Variants in INVS observed in about 807,000 individuals in gnomAD.
INVS encodes inversin.
In INVS, 86 loss-of-function variants were observed where a neutral mutation model predicts 108.8. The ratio of observed to expected loss-of-function variants is 0.79; its 90% CI spans 0.66 to 0.95. INVS has a LOEUF of 0.95. Ranked by LOEUF, INVS falls within the 40% of genes least tolerant of loss-of-function variation. The probability of loss-of-function intolerance (pLI) is 0.00; values close to 1 mark genes in which losing one functional copy is unlikely to be tolerated. For synonymous variants in INVS, 455 were observed against 473.5 expected (o/e 0.96, Z 0.51); for missense variants, 1,169 against 1,297.4 (o/e 0.90, Z 1.52).
At chr9:100,134,074 T>C (rs1828143962) in intron 3 of INVS, among the ~76,000 whole-genome samples, 1 of 152,110 alleles carries the variant, frequency 6.6e-6, no homozygotes, top group South Asian at 2.1e-4. Flanking sequence ...ATTTGTTGTC[T>C]TTTATCCCTT....
rs1008142338 is a variant in INVS at position 100,301,633 on chromosome 9, G to A, written c.*959G>A. The stretch of plus-strand genomic sequence containing the variant: ...GATGGGCTCTTTCACATTGTTTAAG[G>A]GGAAAGCTGCTGTGAGAATATTGAC... On this transcript the variant is annotated 3_prime_UTR_variant, in exon 17 of 17. Coordinates refer to ENST00000262457, the MANE Select transcript of INVS (RefSeq NM_014425.5). Among the ~76,000 whole-genome samples the A allele has an allele frequency of 1.3e-5, 2 of 152,074 alleles. No individual in the cohort carries two copies. Among genetic ancestry groups the A allele is most frequent in the Non-Finnish European group, 2.9e-5 (2 of 68,010 alleles).
chr9:100,126,364 C>A lies in INVS; in HGVS notation c.107-19C>A. 2 of 1,586,576 alleles carry A rather than the reference C, an allele frequency of 1.3e-6. No individual in the cohort carries two copies. Among genetic ancestry groups the A allele is most frequent in the South Asian group, 2.2e-5 (2 of 90,456 alleles). On this transcript the variant is annotated intron_variant, in intron 2 of 16. Transcript: ENST00000262457. ...AATAACAATTATCAAATATCACTAT[C>A]TGTTTCTTATCCTTATAGGAAACTC...
At chr9:100,250,280 C>T (rs532906925) in intron 8 of INVS, among the ~76,000 whole-genome samples, 3 of 152,268 alleles carry the variant, frequency 2.0e-5, no homozygotes, top group Admixed American at 1.3e-4. Context: ...TCTCACCCAG[C>T]TTCAACAATT....
At chr9:100,285,634 G>A (rs560677395) in intron 13 of INVS, among the ~76,000 whole-genome samples, 100 of 152,344 alleles carry the variant, frequency 6.6e-4, no homozygotes, top group South Asian at 3.1e-3. Context: ...TTAGGCACGA[G>A]CTTCCAACGG....
intron 12 of INVS, among the ~76,000 whole-genome samples, chr9:100,276,794 C>T (rs555408277): frequency 1.3e-5 from 2 of 152,170 alleles, no homozygotes; most frequent in South Asian, 4.1e-4. Context: ...CATGAGCCAC[C>T]ACGCCCAGCC....
At chr9:100,212,979 A>C (rs969617547) in intron 3 of INVS, among the ~76,000 whole-genome samples, 7 of 152,158 alleles carry the variant, frequency 4.6e-5, no homozygotes, top group African/African-American at 7.2e-5. Context: ...AGATCAAGGC[A>C]CCAGCAGATT....
intron 3 of INVS, among the ~76,000 whole-genome samples, chr9:100,142,568 G>A (rs1828467493): frequency 6.6e-6 from 1 of 152,264 alleles, no homozygotes; most frequent in African/African-American, 2.4e-5. Flanking sequence ...AATGTGGGAG[G>A]CCGGGTTGAA....
chr9:100,138,449 C>G (rs1828307386), intron 3 of INVS, among the ~76,000 whole-genome samples: 1 of 151,778 alleles, frequency 6.6e-6, no homozygotes, highest in Non-Finnish European at 1.5e-5. Context: ...TACATTTAAC[C>G]CTCAGAGCAA....
chr9:100,181,714 C>T (rs887147693), intron 3 of INVS, among the ~76,000 whole-genome samples: 6 of 152,110 alleles, frequency 3.9e-5, no homozygotes, highest in Non-Finnish European at 1.5e-5. Context: ...AGATTCAGTG[C>T]TATCCCCATC....
chr9:100,234,685 T>G (rs1195528570), intron 5 of INVS, among the ~76,000 whole-genome samples: 1 of 152,240 alleles, frequency 6.6e-6, no homozygotes, highest in Non-Finnish European at 1.5e-5. Flanking sequence ...TTGAGTGAGT[T>G]TCTTAATCCT....
chr9:100,121,515 T>C (rs551467676), intron 2 of INVS, among the ~76,000 whole-genome samples: 1 of 152,378 alleles, frequency 6.6e-6, no homozygotes, highest in Non-Finnish European at 1.5e-5. Flanking sequence ...TTATAGCATA[T>C]GACATTCTCT....
In INVS at chr9:100,100,947, CAT is replaced by C. The variant is rs1429981271; in HGVS notation, c.-25+1538_-25+1539del. 1.8e-3 allele frequency among the ~76,000 whole-genome samples: 28 copies of C among 15,758 alleles called. No homozygotes were observed. The South Asian group carries it at 0.023, about 13-fold the overall frequency. 10.3% of individuals were successfully genotyped at this position (15,758 alleles called of 152,430 possible). A position where few individuals can be genotyped will look rare whatever the true frequency, so the allele number is the denominator to read the frequency against. On this transcript the variant is annotated intron_variant, in intron 1 of 16. Transcript: ENST00000262457. ...ATATATAATATATATAATATATATACATATATATTATATATATAATATATATT... is the reference window on the plus strand; with the variant it reads ...ATATATAATATATATAATATATATACATATATTATATATATAATATATATT...
intron 3 of INVS, among the ~76,000 whole-genome samples, chr9:100,165,112 C>A (rs543964931): frequency 6.6e-6 from 1 of 151,048 alleles, no homozygotes; most frequent in South Asian, 2.1e-4. Context: ...TTAAATTTCT[C>A]ATTTTTATGG....
chr9:100,174,661 C>G (rs1418767109), intron 3 of INVS, among the ~76,000 whole-genome samples: 2 of 152,102 alleles, frequency 1.3e-5, no homozygotes, highest in African/African-American at 4.8e-5. Context: ...TGCCTGTAAT[C>G]CTGCACTTTG....
At chr9:100,272,429 A>G (rs1832986298) in intron 11 of INVS, among the ~76,000 whole-genome samples, 2 of 152,316 alleles carry the variant, frequency 1.3e-5, no homozygotes, top group South Asian at 4.1e-4. Flanking sequence ...CTTATCATAT[A>G]CTGAATTTCT....
intron 3 of INVS, among the ~76,000 whole-genome samples, chr9:100,196,758 A>G (rs1008604265): frequency 5.3e-5 from 8 of 150,700 alleles, no homozygotes; most frequent in African/African-American, 1.2e-4. Flanking sequence ...GTTTTCTTAA[A>G]TACATATAAT....
chr9:100,203,859 T>C (rs1830602465), intron 3 of INVS, among the ~76,000 whole-genome samples: 2 of 152,156 alleles, frequency 1.3e-5, no homozygotes, highest in Admixed American at 6.5e-5. Flanking sequence ...CAGATAAGTG[T>C]AGGAACTACT....
rs1029301073 is a variant in INVS, at chr9:100,273,217, C to T, written c.1784+141C>T. On this transcript the variant is annotated intron_variant, in intron 12 of 16. Transcript: ENST00000262457. ...TTGGTCCCTGCAACCGGTCATCTTCCCTCTTCTCAGCACTCCGTCTTCTGG... is the reference window on the plus strand; with the variant it reads ...TTGGTCCCTGCAACCGGTCATCTTCTCTCTTCTCAGCACTCCGTCTTCTGG... 34 of 724,442 alleles carry T rather than the reference C, an allele frequency of 4.7e-5. 2 individuals are homozygous for T. The South Asian group carries it at 4.9e-4, about 10-fold the overall frequency. 44.9% of individuals were successfully genotyped at this position (724,442 alleles called of 1,614,324 possible).
chr9:100,268,647 T>C (rs1832862924), intron 11 of INVS, among the ~76,000 whole-genome samples: 1 of 152,220 alleles, frequency 6.6e-6, no homozygotes, highest in South Asian at 2.1e-4. Flanking sequence ...AATTTAGGTA[T>C]TGAGTGTATA....
Sources: gnomAD v4.1 joint callset for allele counts (sites outside exome capture counted in the v4.1 genomes callset) on GRCh38, gnomAD v4.1.1 for gene constraint, MANE v1.5 for transcripts, NCBI Gene and HGNC (gene_info 2026-07-23, HGNC 2026-07-21) for gene names.